TBC1D12: variants seen among roughly 807,000 people sequenced by gnomAD.
TBC1D12 encodes the protein TBC1 domain family member 12, also known as TBC1 domain family, member 12.
Under a neutral mutation model 86.7 loss-of-function variants are expected in TBC1D12, and 56 were observed. The observed-to-expected ratio is 0.65, with a 90% CI of 0.52 to 0.81. TBC1D12 has a LOEUF of 0.81. Among genes scored for constraint, TBC1D12 ranks in the 30% least tolerant of loss-of-function variants. The probability of loss-of-function intolerance (pLI) is 0.00; values close to 1 mark genes in which losing one functional copy is unlikely to be tolerated. For missense variants in TBC1D12, 1,023 were observed against 1,038.8 expected (o/e 0.98, Z 0.21); for synonymous variants, 421 against 411.7 (o/e 1.02, Z -0.27).
At chr10:94,514,155 G>C (rs1424360247) in intron 9 of TBC1D12, among the ~76,000 whole-genome samples, 2 of 151,922 alleles carry the variant, frequency 1.3e-5, no homozygotes, top group Non-Finnish European at 2.9e-5. Context: ...TGGGAAGATC[G>C]CTTGAGCCCA....
intron 1 of TBC1D12, among the ~76,000 whole-genome samples, chr10:94,439,180 A>G (rs183927041): frequency 6.2e-4 from 95 of 152,276 alleles, no homozygotes; most frequent in Admixed American, 1.7e-3. Context: ...GTCATTTTGC[A>G]TCCATGATGT....
At chr10:94,514,279 G>A (rs1378813615) in intron 9 of TBC1D12, among the ~76,000 whole-genome samples, 1 of 152,142 alleles carries the variant, frequency 6.6e-6, no homozygotes. Context: ...AGAGGCTGAG[G>A]TGGAAAGATC....
At chr10:94,478,160 G>A (rs1176958809) in intron 3 of TBC1D12, among the ~76,000 whole-genome samples, 1 of 152,102 alleles carries the variant, frequency 6.6e-6, no homozygotes, top group African/African-American at 2.4e-5. Flanking sequence ...TGTAGTCCTA[G>A]CCTACTTGGG....
At chr10:94,485,224 G>C (rs879359951) in intron 3 of TBC1D12, among the ~76,000 whole-genome samples, 9 of 152,132 alleles carry the variant, frequency 5.9e-5, no homozygotes, top group Non-Finnish European at 1.0e-4. Context: ...GATACTGCAA[G>C]TCTGTTGTAT....
Position 94,493,412 on chromosome 10 carries a change from A to C in TBC1D12, c.1259A>C (p.Glu420Ala). The part of the protein sequence containing the change: ...SVEEALRHRQ[E>A]YDEMVAEAKK... ...GAAGAAGCTTTACGTCACCGACAAG[A>C]ATACGATGAGATGGTGGCTGAGGCT... The change falls in exon 4 of 13, where the codon GAA becomes GCA. Residue 420 changes from glutamate (E) to alanine (A), a missense_variant. Coordinates refer to ENST00000225235, the MANE Select transcript of TBC1D12 (RefSeq NM_015188.2). The C allele has an allele frequency of 6.2e-7, 1 of 1,613,256 alleles. No homozygotes were observed. The highest frequency in any genetic ancestry group is 8.5e-7 in the Non-Finnish European group (1 of 1,179,878).
At chr10:94,426,345 C>T (rs1287249330) in intron 1 of TBC1D12, among the ~76,000 whole-genome samples, 1 of 152,048 alleles carries the variant, frequency 6.6e-6, no homozygotes, top group Non-Finnish European at 1.5e-5. Flanking sequence ...TTTAATTAAG[C>T]TAATGAACTT....
chr10:94,448,513 G>T (rs1225561607), intron 2 of TBC1D12, among the ~76,000 whole-genome samples: 2 of 152,160 alleles, frequency 1.3e-5, no homozygotes, highest in Non-Finnish European at 2.9e-5. Flanking sequence ...ATCTCACTCT[G>T]TTGCCCAGGC....
intron 3 of TBC1D12, among the ~76,000 whole-genome samples, chr10:94,477,584 T>C (rs1307303512): frequency 2.0e-5 from 3 of 152,184 alleles, no homozygotes; most frequent in East Asian, 1.9e-4. Flanking sequence ...TTGGGCCAGC[T>C]AACATCTATC....
At chr10:94,492,291 GA>G (rs765980577) in intron 3 of TBC1D12, among the ~76,000 whole-genome samples, 1 of 152,128 alleles carries the variant, frequency 6.6e-6, no homozygotes, top group African/African-American at 2.4e-5. Flanking sequence ...GATAAGGGGG[GA>G]CTACTATGTA....
chr10:94,501,773 C>T (rs530666775), intron 6 of TBC1D12, among the ~76,000 whole-genome samples: 2 of 151,810 alleles, frequency 1.3e-5, no homozygotes, highest in African/African-American at 4.8e-5. Context: ...GTCTCAAACT[C>T]CTGGCCTCAA....
chr10:94,421,561 A>G (rs2055074464), intron 1 of TBC1D12, among the ~76,000 whole-genome samples: 2 of 152,112 alleles, frequency 1.3e-5, no homozygotes, highest in African/African-American at 4.8e-5. Context: ...CCATTAGTGA[A>G]ATTGTTGGGT....
At chr10:94,502,619 A>AT (rs2134192962) in intron 6 of TBC1D12, among the ~76,000 whole-genome samples, 1 of 151,680 alleles carries the variant, frequency 6.6e-6, no homozygotes, top group South Asian at 2.1e-4. Flanking sequence ...GGATCGCTTG[A>AT]GCTCAGGAGG....
At chr10:94,433,838 A>G (rs767795517) in intron 1 of TBC1D12, among the ~76,000 whole-genome samples, 1 of 151,958 alleles carries the variant, frequency 6.6e-6, no homozygotes, top group Non-Finnish European at 1.5e-5. Flanking sequence ...TAATTTATAC[A>G]TGTAACTCTG....
chr10:94,410,160 T>C (rs1472331884), intron 1 of TBC1D12, among the ~76,000 whole-genome samples: 2 of 152,158 alleles, frequency 1.3e-5, no homozygotes, highest in African/African-American at 4.8e-5. Flanking sequence ...AGATAAATAA[T>C]CTTTTATTTG....
intron 2 of TBC1D12, among the ~76,000 whole-genome samples, chr10:94,468,212 A>G (rs1434264728): frequency 1.3e-5 from 2 of 152,226 alleles, no homozygotes; most frequent in Admixed American, 1.3e-4. Context: ...GTATTAAATG[A>G]CCAAATATTC....
chr10:94,496,028 G>A (rs1429517523), intron 4 of TBC1D12, among the ~76,000 whole-genome samples: 1 of 151,960 alleles, frequency 6.6e-6, no homozygotes, highest in African/African-American at 2.4e-5. Flanking sequence ...GCTTGATCCC[G>A]GGAGGTAGAG....
At chr10:94,505,579 TAAG>T (rs954535164) in intron 6 of TBC1D12, among the ~76,000 whole-genome samples, 7 of 151,778 alleles carry the variant, frequency 4.6e-5, no homozygotes, top group Admixed American at 6.6e-5. Flanking sequence ...TCTCAAAAAA[TAAG>T]AAGAAGAAGA....
At chr10:94,434,513 A>G (rs2134080770) in intron 1 of TBC1D12, among the ~76,000 whole-genome samples, 1 of 152,110 alleles carries the variant, frequency 6.6e-6, no homozygotes, top group Admixed American at 6.6e-5. Context: ...TTAAAAAAAA[A>G]AAAAAAAGAA....
At chr10:94,511,290 G>A (rs1316725966) in intron 8 of TBC1D12, among the ~76,000 whole-genome samples, 1 of 151,636 alleles carries the variant, frequency 6.6e-6, no homozygotes, top group Admixed American at 6.6e-5. Flanking sequence ...TAGAGATGGG[G>A]TTTCACCATG....
Sources: gnomAD v4.1 joint callset for allele counts (sites outside exome capture counted in the v4.1 genomes callset) on GRCh38, gnomAD v4.1.1 for gene constraint, MANE v1.5 for transcripts, NCBI Gene and HGNC (gene_info 2026-07-23, HGNC 2026-07-21) for gene names.